CMTR1: variants seen among roughly 807,000 people sequenced by gnomAD.
The protein encoded by CMTR1 is cap-specific mRNA (nucleoside-2'-O-)-methyltransferase 1.
In CMTR1, 39 loss-of-function variants were observed where a neutral mutation model predicts 107.0. The observed-to-expected ratio is 0.36, with a 90% CI of 0.28 to 0.48. CMTR1 has a LOEUF of 0.48. Among genes scored for constraint, CMTR1 ranks in the 20% least tolerant of loss-of-function variants. The pLI is 0.99. For synonymous variants in CMTR1, 366 were observed against 379.5 expected (o/e 0.96, Z 0.41); for missense variants, 672 against 1,064.9 (o/e 0.63, Z 5.14).
In CMTR1 at chr6:37,446,354, G is replaced by A. The variant is rs763960507; in HGVS notation, c.349G>A (p.Val117Ile). The change falls in exon 4 of 24, where the codon GTT becomes ATT. Residue 117 changes from valine to isoleucine, a missense_variant. By Grantham distance (29) the Val-to-Ile change is conservative (BLOSUM62 3). Around this residue, in one of 2 missense-constraint regions of CMTR1, gnomAD observed 583 missense variants for 968.4 expected, o/e 0.60. Coordinates refer to ENST00000373451, the MANE Select transcript of CMTR1 (RefSeq NM_015050.3). ...GKYSQGRKDI[V>I]EASSQKGRRG... ...ATACAGCCAGGGTCGGAAGGACATC[G>A]TTGAGGCTTCCAGTCAGAAAGGTCG... The A allele has an allele frequency of 5.6e-6, 9 of 1,614,046 alleles. No homozygotes were observed. The highest frequency in any genetic ancestry group is 5.0e-5 in the Admixed American group (3 of 60,002).
intron 17 of CMTR1, 72 bp from the exon 18 acceptor site, chr6:37,474,452 C>T (rs906736973): frequency 1.3e-6 from 2 of 1,584,760 alleles, no homozygotes. Context: ...ACTAAAAGCT[C>T]TTTTGAGAAG....
At chr6:37,467,396 TAATG>T (rs1761530638) in intron 13 of CMTR1, among the ~76,000 whole-genome samples, 1 of 152,196 alleles carries the variant, frequency 6.6e-6, no homozygotes, top group Non-Finnish European at 1.5e-5. Context: ...CTTTGAAACT[TAATG>T]AAGCTTATTT....
intron 13 of CMTR1, 119 bp from the exon 14 acceptor site, chr6:37,470,902 C>T (rs1761610343): frequency 1.4e-6 from 1 of 719,902 alleles, no homozygotes; most frequent in Non-Finnish European, 2.2e-6. Flanking sequence ...TCTTTCTCAA[C>T]TCTCCAGCTC....
intron 23 of CMTR1, 122 bp downstream of exon 23, chr6:37,479,377 C>T: frequency 1.4e-6 from 1 of 730,506 alleles, no homozygotes; most frequent in Non-Finnish European, 2.4e-6. Flanking sequence ...AGGGGTTCCC[C>T]TGAGCACAGG....
the CMTR1 span, among the ~76,000 whole-genome samples, chr6:37,427,728 G>A: frequency 0.059 from 8,917 of 152,040 alleles, 306 homozygotes; most frequent in Middle Eastern, 0.11. This position sits in a 1 kb window ranked among gnomAD's most constrained non-coding sequence, Gnocchi z 4.4. Flanking sequence ...TTCTTTTCAG[G>A]CTGAATAACT....
At chr6:37,428,008 C>CAGAGAGAGAGAGAGAGAGAGAG in the CMTR1 span, among the ~76,000 whole-genome samples, 7 of 114,858 alleles carry the variant, frequency 6.1e-5, no homozygotes, top group African/African-American at 9.9e-5. Flanking sequence ...GCAACAGAGA[C>CAGAGAGAGAGAGAGAGAGAGAG]AGAGAGAGAG....
chr6:37,444,430 A>G (rs2113867350), intron 3 of CMTR1, among the ~76,000 whole-genome samples: 2 of 152,312 alleles, frequency 1.3e-5, no homozygotes, highest in African/African-American at 4.8e-5. Flanking sequence ...AACATGTGTG[A>G]CTATACTTCC....
At chr6:37,428,733 C>G (rs1000808233), upstream of CMTR1, among the ~76,000 whole-genome samples, 3 of 152,206 alleles carry the variant, frequency 2.0e-5, no homozygotes, top group Non-Finnish European at 4.4e-5. Context: ...GCTGGGATTA[C>G]AGGCATGAGC....
At chr6:37,443,416 G>A (rs993363821) in intron 2 of CMTR1, among the ~76,000 whole-genome samples, 1 of 151,304 alleles carries the variant, frequency 6.6e-6, no homozygotes, top group East Asian at 1.9e-4. Flanking sequence ...ATGCAGTGGC[G>A]CAATTTCGGC....
chr6:37,444,497 T>A (rs1025936012), intron 3 of CMTR1, among the ~76,000 whole-genome samples: 2 of 152,194 alleles, frequency 1.3e-5, no homozygotes, highest in Non-Finnish European at 2.9e-5. Flanking sequence ...ATTTTTGCTC[T>A]AGTGAGTGGT....
Position 37,458,302 on chromosome 6 carries a change from T to C in CMTR1, c.778-310T>C, listed in dbSNP as rs1761337753. 6.6e-6 allele frequency among the ~76,000 whole-genome samples: 1 copy of C among 152,104 alleles called. No individual in the cohort carries two copies. ...AACCCCTGACCTCAGGCTATCTGCC[T>C]CTCTGGCCTCCCAAAGTGCTGGGAT... is the stretch of plus-strand genomic sequence containing the variant. On this transcript the variant is annotated intron_variant, in intron 8 of 23. Coordinates refer to ENST00000373451, the MANE Select transcript of CMTR1 (RefSeq NM_015050.3). The surrounding 1 kb of genome is among the most constrained non-coding windows in gnomAD (Gnocchi z 4.7).
intron 5 of CMTR1, among the ~76,000 whole-genome samples, chr6:37,450,831 C>T (rs1761138276): frequency 6.6e-6 from 1 of 152,196 alleles, no homozygotes; most frequent in Non-Finnish European, 1.5e-5. Context: ...AAGACCCCTT[C>T]AGGGGGTCCA....
the CMTR1 span, among the ~76,000 whole-genome samples, chr6:37,428,002 CAGAGACAGAGAGAGAG>C: frequency 1.4e-3 from 123 of 87,726 alleles, no homozygotes; most frequent in African/African-American, 4.7e-3. Flanking sequence ...ACCTAAGCAA[CAGAGACAGAGAGAGAG>C]AGAGAGAGAG....
intron 10 of CMTR1, among the ~76,000 whole-genome samples, chr6:37,460,737 T>A (rs1001001111): frequency 6.6e-6 from 1 of 152,184 alleles, no homozygotes; most frequent in African/African-American, 2.4e-5. Context: ...TTGATCATCT[T>A]AATCATTTTT....
chr6:37,454,747 A>C (rs1761255479), intron 8 of CMTR1, among the ~76,000 whole-genome samples: 1 of 152,146 alleles, frequency 6.6e-6, no homozygotes, highest in Non-Finnish European at 1.5e-5. Flanking sequence ...GCCACGGAGA[A>C]TTGCCCTTTC....
chr6:37,463,557 T>C (rs1040120879), intron 13 of CMTR1, among the ~76,000 whole-genome samples: 1 of 152,196 alleles, frequency 6.6e-6, no homozygotes, highest in Non-Finnish European at 1.5e-5. Context: ...GGCTTAGTTT[T>C]CTCAGTGGGC....
intron 10 of CMTR1, among the ~76,000 whole-genome samples, chr6:37,460,700 CTTTAT>C (rs1222336202): frequency 6.6e-6 from 1 of 151,982 alleles, no homozygotes; most frequent in Non-Finnish European, 1.5e-5. Flanking sequence ...GTCCTTTTTT[CTTTAT>C]TTTATTGTAA....
chr6:37,463,239 A>G (rs1478127074), intron 13 of CMTR1, among the ~76,000 whole-genome samples: 2 of 152,196 alleles, frequency 1.3e-5, no homozygotes, highest in African/African-American at 4.8e-5. Flanking sequence ...CCTGGCTAGT[A>G]TAGGCCTGCC....
chr6:37,451,153 CTG>C (rs1286825820), intron 5 of CMTR1, among the ~76,000 whole-genome samples: 2 of 151,932 alleles, frequency 1.3e-5, no homozygotes, highest in East Asian at 1.9e-4. Context: ...TTTTTAAAAT[CTG>C]TTTTGATTTT....
Sources: gnomAD v4.1 joint callset for allele counts (sites outside exome capture counted in the v4.1 genomes callset) on GRCh38, gnomAD v4.1.1 for gene constraint, gnomAD v4.1.1 regional missense constraint, Gnocchi (gnomAD v3.1) non-coding constraint, MANE v1.5 for transcripts, NCBI Gene and HGNC (gene_info 2026-07-23, HGNC 2026-07-21) for gene names.